The following INPP4B variants were observed in gnomAD, a reference collection of about 807,000 sequenced individuals.
INPP4B encodes the protein inositol polyphosphate 4-phosphatase type II.
A neutral mutation model predicts 122.5 loss-of-function variants in INPP4B; 55 were observed. The observed-to-expected ratio is 0.45, with a 90% CI of 0.36 to 0.56. INPP4B has a LOEUF of 0.56. INPP4B is among the 20% of genes least tolerant of loss of function. The probability of loss-of-function intolerance (pLI) is 0.00; values close to 1 mark genes in which losing one functional copy is unlikely to be tolerated. For synonymous variants in INPP4B, 403 were observed against 388.7 expected (o/e 1.04, Z -0.43); for missense variants, 1,000 against 1,097.7 (o/e 0.91, Z 1.26).
intron 2 of INPP4B, among the ~76,000 whole-genome samples, chr4:142,700,554 T>C (rs1761607622): frequency 6.6e-6 from 1 of 152,218 alleles, no homozygotes; most frequent in South Asian, 2.1e-4. Context: ...CTAAATTCTA[T>C]TAACCCCTTC....
intron 2 of INPP4B, among the ~76,000 whole-genome samples, chr4:142,507,614 T>C (rs2149847443): frequency 6.6e-6 from 1 of 152,114 alleles, no homozygotes; most frequent in South Asian, 2.1e-4. Context: ...CAATTTGCAA[T>C]TGTTTAAAAT....
At chr4:142,551,854 C>A (rs924485860) in intron 2 of INPP4B, among the ~76,000 whole-genome samples, 2 of 152,130 alleles carry the variant, frequency 1.3e-5, no homozygotes, top group African/African-American at 4.8e-5. Context: ...GTAATTTGAG[C>A]CAATTCTATC....
chr4:142,770,771 G>A (rs1281080294), intron 1 of INPP4B, among the ~76,000 whole-genome samples: 1 of 152,108 alleles, frequency 6.6e-6, no homozygotes, highest in Non-Finnish European at 1.5e-5. Flanking sequence ...AGGCAGTGGT[G>A]ATACAAGTGT....
At chr4:142,341,574 G>T (rs1300414554) in intron 7 of INPP4B, among the ~76,000 whole-genome samples, 1 of 152,106 alleles carries the variant, frequency 6.6e-6, no homozygotes, top group African/African-American at 2.4e-5. Flanking sequence ...GGCCTTGAGG[G>T]TAGGCAAGAC....
chr4:142,067,714 TGGAA>T (rs1286148274), intron 25 of INPP4B, among the ~76,000 whole-genome samples: 1 of 151,864 alleles, frequency 6.6e-6, no homozygotes, highest in Non-Finnish European at 1.5e-5. Context: ...TTTGATCAAG[TGGAA>T]GAAAGGGTAT....
chr4:142,483,018 T>G (rs1820747828), intron 2 of INPP4B, among the ~76,000 whole-genome samples: 2 of 152,020 alleles, frequency 1.3e-5, no homozygotes, highest in African/African-American at 4.8e-5. Flanking sequence ...TGGACAAAGA[T>G]TATAATATGA....
chr4:142,259,257 T>A (rs1181415097), intron 11 of INPP4B, among the ~76,000 whole-genome samples: 10 of 149,988 alleles, frequency 6.7e-5, no homozygotes, highest in Non-Finnish European at 1.0e-4. Context: ...TAATGCTAAA[T>A]GACGACTTAG....
chr4:142,168,354 G>GCTTA (rs1823904322), intron 16 of INPP4B, among the ~76,000 whole-genome samples: 1 of 151,426 alleles, frequency 6.6e-6, no homozygotes, highest in African/African-American at 2.4e-5. Flanking sequence ...TTCATGGCAT[G>GCTTA]CTTAGTATGT....
intron 23 of INPP4B, among the ~76,000 whole-genome samples, chr4:142,098,199 T>A (rs1782828796): frequency 6.6e-6 from 1 of 151,776 alleles, no homozygotes; most frequent in Non-Finnish European, 1.5e-5. Flanking sequence ...CAGCAAGAGG[T>A]CCATGGGGGG....
At position 142,391,477 on chromosome 4, in the gene INPP4B, G is replaced by A. The variant is rs536734033; in HGVS notation, c.372+11461C>T. On this transcript the variant is annotated intron_variant, in intron 7 of 25. Transcript: ENST00000262992. ...CTTGGGAGTCTGAGGCAGGAGAATCGCTTGAACCCAGGAAGCAGAGGTTGC... is the reference window on the plus strand; with the variant it reads ...CTTGGGAGTCTGAGGCAGGAGAATCACTTGAACCCAGGAAGCAGAGGTTGC... Among the ~76,000 whole-genome samples, 37 of 152,238 alleles carry A rather than the reference G, an allele frequency of 2.4e-4. No individual in the cohort carries two copies. In the East Asian group the frequency reaches 4.8e-3, roughly 20 times the overall value.
chr4:142,173,996 C>T (rs1391287587), intron 15 of INPP4B, among the ~76,000 whole-genome samples, 187 bp from the exon 16 acceptor site: 2 of 151,966 alleles, frequency 1.3e-5, no homozygotes, highest in Non-Finnish European at 2.9e-5. Flanking sequence ...CTTTTTAAAA[C>T]TAGGTAATCT....
chr4:142,396,239 T>C (rs1459931951), intron 7 of INPP4B, among the ~76,000 whole-genome samples: 1 of 152,132 alleles, frequency 6.6e-6, no homozygotes, highest in African/African-American at 2.4e-5. Context: ...GTATCCACAA[T>C]GTATGAAGAA....
chr4:142,451,118 C>T (rs1814094889), intron 3 of INPP4B, among the ~76,000 whole-genome samples: 1 of 151,900 alleles, frequency 6.6e-6, no homozygotes, highest in African/African-American at 2.4e-5. Context: ...GTGACATACT[C>T]ATCTCTGGTT....
intron 23 of INPP4B, among the ~76,000 whole-genome samples, chr4:142,099,185 G>C (rs336307): frequency 0.45 from 68,857 of 151,914 alleles, 18,996 homozygotes; most frequent in Non-Finnish European, 0.59. Context: ...GTGAAAAAAT[G>C]GGTGGTGAAA....
intron 18 of INPP4B, among the ~76,000 whole-genome samples, chr4:142,128,560 G>T (rs555327557): frequency 6.6e-6 from 1 of 152,116 alleles, no homozygotes; most frequent in Non-Finnish European, 1.5e-5. Flanking sequence ...GTTTTAGTGT[G>T]TCTATAAGAA....
At chr4:142,254,791 T>C (rs1734744789) in intron 11 of INPP4B, among the ~76,000 whole-genome samples, 1 of 152,092 alleles carries the variant, frequency 6.6e-6, no homozygotes, top group Non-Finnish European at 1.5e-5. Flanking sequence ...CAGGATATTA[T>C]CCAGGAGAAC....
At chr4:142,737,296 G>A (rs913876904) in intron 1 of INPP4B, among the ~76,000 whole-genome samples, 1 of 152,116 alleles carries the variant, frequency 6.6e-6, no homozygotes, top group African/African-American at 2.4e-5. Flanking sequence ...AGAGTCCTCA[G>A]AAATAATGCC....
chr4:142,819,146 G>A (rs1440173841), intron 1 of INPP4B, among the ~76,000 whole-genome samples: 3 of 152,126 alleles, frequency 2.0e-5, no homozygotes, highest in African/African-American at 7.2e-5. Flanking sequence ...AACACTTGGG[G>A]TAAAAGAAAG....
intron 25 of INPP4B, among the ~76,000 whole-genome samples, chr4:142,063,877 G>A (rs1762237888): frequency 6.6e-6 from 1 of 152,070 alleles, no homozygotes; most frequent in African/African-American, 2.4e-5. Context: ...CTTTTACCTT[G>A]CCATAAATAG....
Sources: allele counts gnomAD v4.1 joint callset (sites outside exome capture counted in the v4.1 genomes callset), GRCh38; gene constraint gnomAD v4.1.1; transcripts MANE v1.5; gene names NCBI Gene and HGNC (gene_info 2026-07-23, HGNC 2026-07-21).